DPP6: variants seen among roughly 807,000 people sequenced by gnomAD.
The protein encoded by DPP6 is dipeptidyl peptidase like 6.
A neutral mutation model predicts 122.6 loss-of-function variants in DPP6; 69 were observed. The ratio of observed to expected loss-of-function variants is 0.56; its 90% CI spans 0.46 to 0.69. The LOEUF is 0.69. DPP6 is among the 30% of genes least tolerant of loss of function. DPP6 has a pLI of 0.00. For missense variants in DPP6, 928 were observed against 1,116.9 expected, an observed-to-expected ratio of 0.83 and a Z score of 2.41; for synonymous variants, 418 against 433.1, an observed-to-expected ratio of 0.97 and a Z score of 0.43.
chr7:154,419,265 T>G (rs1354160607), intron 1 of DPP6, among the ~76,000 whole-genome samples: 1 of 152,230 alleles, frequency 6.6e-6, no homozygotes, highest in African/African-American at 2.4e-5. Flanking sequence ...TCATTATTCG[T>G]GTGAAAGTGA....
chr7:154,338,394 G>A (rs904754524), intron 1 of DPP6, among the ~76,000 whole-genome samples: 23 of 152,032 alleles, frequency 1.5e-4, no homozygotes, highest in Non-Finnish European at 3.1e-4. Flanking sequence ...GAAAAGAAAC[G>A]ATCTCAGGAA....
chr7:154,209,191 C>G (rs1408371979), intron 1 of DPP6, among the ~76,000 whole-genome samples: 1 of 152,088 alleles, frequency 6.6e-6, no homozygotes, highest in Non-Finnish European at 1.5e-5. Context: ...TTAGACTTCC[C>G]TTAGATGCAA....
chr7:154,745,438 T>C (rs903993428), intron 8 of DPP6, among the ~76,000 whole-genome samples: 1 of 152,118 alleles, frequency 6.6e-6, no homozygotes, highest in African/African-American at 2.4e-5. Flanking sequence ...ATTAACTAGA[T>C]AGAAAAAAAA....
At chr7:154,272,925 C>T (rs1257321743) in intron 1 of DPP6, among the ~76,000 whole-genome samples, 1 of 152,196 alleles carries the variant, frequency 6.6e-6, no homozygotes, top group African/African-American at 2.4e-5. Flanking sequence ...TCACAAAAGT[C>T]TACTTTCCAA....
intron 1 of DPP6, among the ~76,000 whole-genome samples, chr7:154,067,930 G>A (rs112888129): frequency 7.5e-6 from 1 of 132,998 alleles, no homozygotes; most frequent in Admixed American, 6.9e-5. Flanking sequence ...TTGTTTGTTT[G>A]TTTGTTTTTT....
chr7:154,891,811 C>T (rs527608053), intron 25 of DPP6, among the ~76,000 whole-genome samples: 15 of 152,222 alleles, frequency 9.9e-5, no homozygotes, highest in African/African-American at 3.6e-4. Flanking sequence ...GTCTCGAACT[C>T]CTGACCTCAA....
At chr7:154,092,929 T>C (rs868492730) in intron 1 of DPP6, 26 of 152,112 alleles carry the variant, frequency 1.7e-4, no homozygotes, top group African/African-American at 5.6e-4. Flanking sequence ...TACAAAAATA[T>C]GGAGCCGTCG....
At chr7:154,010,811 A>G (rs1798121079) in intron 1 of DPP6, among the ~76,000 whole-genome samples, 1 of 152,238 alleles carries the variant, frequency 6.6e-6, no homozygotes, top group African/African-American at 2.4e-5. Context: ...GTGCTTAAGA[A>G]CAGGCTTTCA....
chr7:154,776,835 G>A (rs530130176), intron 10 of DPP6, among the ~76,000 whole-genome samples: 2 of 152,280 alleles, frequency 1.3e-5, no homozygotes, highest in Admixed American at 1.3e-4. Context: ...TCTGTGGAGG[G>A]ACACAAAAGG....
rs1324013923 is a variant in DPP6, at chr7:154,833,043, G to C, written c.1667-20737G>C. 6.6e-6 allele frequency among the ~76,000 whole-genome samples: 1 copy of C among 152,220 alleles called. No individual in the cohort carries two copies. The highest frequency in any genetic ancestry group is 1.5e-5 in the Non-Finnish European group (1 of 68,036). ...AGGACAGAGGCCCTGCCCTCAAGTA[G>C]CCTGAAGTCTAGGAAAATGAATCCC... On this transcript the variant is annotated intron_variant, in intron 16 of 25. Coordinates refer to ENST00000377770, the MANE Select transcript of DPP6 (RefSeq NM_130797.4). The surrounding 1 kb of genome is among the most constrained non-coding windows in gnomAD (Gnocchi z 4.3).
At chr7:154,745,155 G>A (rs1310682490) in intron 8 of DPP6, among the ~76,000 whole-genome samples, 1 of 152,186 alleles carries the variant, frequency 6.6e-6, no homozygotes, top group Admixed American at 6.5e-5. Flanking sequence ...AAAGGAGCAG[G>A]AATCAGGAGA....
intron 1 of DPP6, among the ~76,000 whole-genome samples, chr7:154,265,830 C>A (rs1243099469): frequency 6.6e-6 from 1 of 152,108 alleles, no homozygotes; most frequent in Non-Finnish European, 1.5e-5. Flanking sequence ...TTCACCCTGG[C>A]CTTTCATTGT....
rs183029405 is a variant in DPP6 at position 154,087,265 on chromosome 7, A to G, written c.243+34202A>G. Among the ~76,000 whole-genome samples the G allele has an allele frequency of 1.1e-3, 169 of 152,182 alleles. 1 individual carries two copies. Among genetic ancestry groups the G allele is most frequent in the African/African-American group, 3.9e-3 (163 of 41,470 alleles). ...GGAGTGGTGTGAGATGAAGCTGAGC[A>G]GGTGTCAGCACCAACCTCTTGGGAC... is the stretch of plus-strand genomic sequence containing the variant. On this transcript the variant is annotated intron_variant, in intron 1 of 25. Coordinates refer to ENST00000377770, the MANE Select transcript of DPP6 (RefSeq NM_130797.4).
chr7:153,948,038 A>C (rs1306507519), intron 1 of DPP6, among the ~76,000 whole-genome samples: 6 of 152,154 alleles, frequency 3.9e-5, no homozygotes, highest in Non-Finnish European at 8.8e-5. Flanking sequence ...TTAGAGCCAT[A>C]CCGGTGACCT....
chr7:154,051,773 G>GC (rs1452450024), upstream of DPP6, among the ~76,000 whole-genome samples: 1 of 150,724 alleles, frequency 6.6e-6, no homozygotes, highest in Non-Finnish European at 1.5e-5. Context: ...GTCCTCTGCC[G>GC]CCCCGCGACC....
chr7:153,917,533 G>A (rs949981246), intron 1 of DPP6, among the ~76,000 whole-genome samples: 1 of 152,156 alleles, frequency 6.6e-6, no homozygotes, highest in Non-Finnish European at 1.5e-5. Context: ...TTGTGAAGGC[G>A]TGGAGACTCT....
intron 1 of DPP6, among the ~76,000 whole-genome samples, chr7:153,963,385 A>T (rs551075488): frequency 4.1e-5 from 6 of 147,650 alleles, no homozygotes; most frequent in African/African-American, 1.5e-4. Context: ...AAAGTAAAAA[A>T]CCCGAGAAAA....
chr7:154,159,178 G>A (rs1470546969), intron 1 of DPP6, among the ~76,000 whole-genome samples: 5 of 151,724 alleles, frequency 3.3e-5, no homozygotes, highest in East Asian at 2.0e-4. Context: ...CCGCACCCGG[G>A]CCCTCCCATC....
At chr7:154,260,468 C>G (rs529414935) in intron 1 of DPP6, among the ~76,000 whole-genome samples, 1 of 151,918 alleles carries the variant, frequency 6.6e-6, no homozygotes, top group South Asian at 2.1e-4. Context: ...CCTGAGTCCC[C>G]AAAGTCCGTT....
Sources: allele counts gnomAD v4.1 joint callset (sites outside exome capture counted in the v4.1 genomes callset), GRCh38; gene constraint gnomAD v4.1.1; non-coding constraint Gnocchi (gnomAD v3.1); transcripts MANE v1.5; gene names NCBI Gene and HGNC (gene_info 2026-07-23, HGNC 2026-07-21).